Variants in DEAF1 observed in about 807,000 individuals in gnomAD.
DEAF1 encodes the protein DEAF1 transcription factor, also known as deformed epidermal autoregulatory factor 1 homolog.
In DEAF1, 53 loss-of-function variants were observed where a neutral mutation model predicts 58.9. That is an observed-to-expected ratio of 0.90 (90% CI 0.72 to 1.13). The LOEUF is 1.13. Ranked by LOEUF, DEAF1 falls within the 50% of genes most tolerant of loss-of-function variation. The pLI is 0.00. For missense variants in DEAF1, 685 were observed against 791.4 expected (o/e 0.87, Z 1.61); for synonymous variants, 385 against 340.4 (o/e 1.13, Z -1.44).
At chr11:654,230 G>GTCCAC (rs1858940213) in intron 10 of DEAF1, among the ~76,000 whole-genome samples, 179 bp from the exon 11 acceptor site, 9 of 145,652 alleles carry the variant, frequency 6.2e-5, no homozygotes, top group African/African-American at 2.3e-4. Flanking sequence ...GTGCCGTGGT[G>GTCCAC]CGATCTCAGC....
intron 10 of DEAF1, among the ~76,000 whole-genome samples, chr11:669,421 G>A (rs971439811): frequency 6.6e-6 from 1 of 152,150 alleles, no homozygotes; most frequent in Non-Finnish European, 1.5e-5. Flanking sequence ...CAGATCACCT[G>A]AGGTCAGGAG....
upstream of DEAF1, chr11:698,857 T>C (rs1370191743): frequency 6.2e-7 from 1 of 1,614,108 alleles, no homozygotes; most frequent in East Asian, 2.2e-5. Context: ...TCACGGCCCC[T>C]TTCTCTTTCA....
rs1216366693 is a variant in DEAF1 at position 674,590 on chromosome 11, G to A, written c.1449C>T (p.Tyr483=). The stretch of plus-strand genomic sequence containing the variant: ...TGGCCTGGTTTGTGGCAGCTTCTCG[G>A]TAGGTGCTGGCATGCTTGGCTTGCT... ...LFEQAKHAST[Y]REAATNQAKI... Residue 483 remains tyrosine (Y), a synonymous_variant, in exon 10 of 12, where the codon TAC becomes TAT. Coordinates refer to ENST00000382409, the MANE Select transcript of DEAF1 (RefSeq NM_021008.4). 6.2e-7 allele frequency: 1 copy of A among 1,614,026 alleles called. No homozygotes were observed. Among genetic ancestry groups the A allele is most frequent in the Non-Finnish European group, 8.5e-7 (1 of 1,180,054 alleles).
upstream of DEAF1, chr11:695,940 A>C: frequency 1.0e-6 from 1 of 991,904 alleles, no homozygotes; most frequent in Non-Finnish European, 1.3e-6. Flanking sequence ...CGGTGCGCTC[A>C]CGGGGCCGTG....
At position 645,351 on chromosome 11, in the gene DEAF1, CTT is replaced by C. The variant is rs560763840; in HGVS notation, c.1594-699_1594-698del. ...GTTGTTTTTCGGACAGAGTTTCGCTCTTGTTTCCCAGGCTGGAGTGTAACGCG... is the reference window on the plus strand; with the variant it reads ...GTTGTTTTTCGGACAGAGTTTCGCTCGTTTCCCAGGCTGGAGTGTAACGCG... On this transcript the variant is annotated intron_variant, in intron 11 of 11. Transcript: ENST00000382409. Among the ~76,000 whole-genome samples the C allele has an allele frequency of 2.4e-3, 365 of 152,016 alleles. 3 individuals are homozygous for C. The highest frequency in any genetic ancestry group is 7.1e-3 in the African/African-American group (294 of 41,458).
intron 11 of DEAF1, among the ~76,000 whole-genome samples, chr11:651,765 G>A (rs1025975821): frequency 1.4e-4 from 22 of 152,062 alleles, no homozygotes; most frequent in African/African-American, 4.6e-4. Flanking sequence ...GGGTGCCTGT[G>A]GTCCCAGCTA....
At chr11:654,269 A>C (rs1037099425) in intron 10 of DEAF1, among the ~76,000 whole-genome samples, 2 of 148,272 alleles carry the variant, frequency 1.3e-5, no homozygotes, top group Non-Finnish European at 2.9e-5. Context: ...CCTGGGTTCA[A>C]GCAATTCTCC....
chr11:671,847 AAAG>A (rs536826409), intron 10 of DEAF1, among the ~76,000 whole-genome samples: 39,668 of 123,774 alleles, frequency 0.32, 7,028 homozygotes, highest in East Asian at 0.46. Flanking sequence ...AAAAAAAAAA[AAAG>A]AAACACAAAA....
chr11:686,179 C>T (rs1005887504), intron 5 of DEAF1, among the ~76,000 whole-genome samples: 2 of 149,734 alleles, frequency 1.3e-5, no homozygotes, highest in Non-Finnish European at 3.0e-5. Context: ...GTAATCCCAG[C>T]TACTCAGGAG....
At chr11:684,349 C>T (rs529022494) in intron 6 of DEAF1, among the ~76,000 whole-genome samples, 12 of 151,558 alleles carry the variant, frequency 7.9e-5, no homozygotes, top group South Asian at 2.1e-4. Context: ...ATCCAGGAGG[C>T]GGAGGTTGCA....
At chr11:666,028 A>G (rs1859507965) in intron 10 of DEAF1, 2 of 151,782 alleles carry the variant, frequency 1.3e-5, no homozygotes, top group Non-Finnish European at 2.9e-5. Context: ...CTGAGCAGAG[A>G]CTGCGGCTGC....
rs554164645 is a variant in DEAF1 at position 654,153 on chromosome 11, C to G, written c.1504-102G>C. 199 of 762,584 alleles carry G rather than the reference C, an allele frequency of 2.6e-4. 1 individual carries two copies. The African/African-American group carries it at 3.1e-3, about 12-fold the overall frequency. The allele number at this position is 762,584 out of a possible 1,614,324, so 47.2% of individuals were successfully genotyped here. ...GCAGGCAGGAGGCCCCAAGTTCCCCCCATTGGACCCCCTTTTTTTTTTTTT... is the reference window on the plus strand; with the variant it reads ...GCAGGCAGGAGGCCCCAAGTTCCCCGCATTGGACCCCCTTTTTTTTTTTTT... On this transcript the variant is annotated intron_variant, in intron 10 of 11. Coordinates refer to ENST00000382409, the MANE Select transcript of DEAF1 (RefSeq NM_021008.4).
intron 10 of DEAF1, among the ~76,000 whole-genome samples, chr11:666,764 A>G (rs1012768427): frequency 8.0e-5 from 12 of 149,440 alleles, no homozygotes; most frequent in Non-Finnish European, 1.5e-4. Flanking sequence ...TTGTAGTCCC[A>G]TCTACTTGGA....
intron 10 of DEAF1, among the ~76,000 whole-genome samples, chr11:669,444 C>T (rs762143069): frequency 1.1e-4 from 17 of 152,074 alleles, no homozygotes; most frequent in Non-Finnish European, 2.4e-4. Flanking sequence ...CAAGACCAGC[C>T]TGACCTAAAT....
At position 688,741 on chromosome 11, in the gene DEAF1, C is replaced by T. The variant is rs375905081; in HGVS notation, c.388-281G>A. The stretch of plus-strand genomic sequence containing the variant: ...AAAGGTGCTCCACAAACAAGAAACA[C>T]CCTCCCTTCCACCTGAGCCGCTCCC... On this transcript the variant is annotated intron_variant, in intron 2 of 11. Coordinates refer to ENST00000382409, the MANE Select transcript of DEAF1 (RefSeq NM_021008.4). This position sits in a 1 kb window ranked among gnomAD's most constrained non-coding sequence, Gnocchi z 4.3. Among the ~76,000 whole-genome samples, 36 of 152,262 alleles carry T rather than the reference C, an allele frequency of 2.4e-4. No individual in the cohort carries two copies. The highest frequency in any genetic ancestry group is 8.7e-4 in the African/African-American group (36 of 41,552).
At chr11:647,981 G>A (rs1373527811) in intron 11 of DEAF1, among the ~76,000 whole-genome samples, 2 of 3,812 alleles carry the variant, frequency 5.2e-4, no homozygotes, top group Non-Finnish European at 5.2e-4. Context: ...TGACCCAGGC[G>A]GTGCTGGGAG....
chr11:657,285 G>C (rs1057417661), intron 10 of DEAF1, among the ~76,000 whole-genome samples: 3 of 152,186 alleles, frequency 2.0e-5, no homozygotes, highest in African/African-American at 4.8e-5. Context: ...TGCAAGAGGA[G>C]GCTGGAGCAC....
intron 4 of DEAF1, among the ~76,000 whole-genome samples, chr11:687,610 C>A (rs1860650926): frequency 6.6e-6 from 1 of 152,224 alleles, no homozygotes; most frequent in Non-Finnish European, 1.5e-5. Context: ...CTGCCTCAGC[C>A]TCCCGAGTAG....
Position 700,976 on chromosome 11 carries a change from G to A in DEAF1, c.-438+5596C>T, listed in dbSNP as rs2133466687. ...GTAGAAGCCACTGGGTAATGGCACT[G>A]AGATCAGAAAAGCCCAGCCCACCAC... On this transcript the variant is annotated intron_variant, in intron 1 of 11. Coordinates refer to the DEAF1 transcript ENST00000683307. 5 of 432,596 alleles carry A rather than the reference G, an allele frequency of 1.2e-5. 1 individual carries two copies. Among genetic ancestry groups the A allele is most frequent in the Middle Eastern group, 5.9e-4 (1 of 1,696 alleles). 26.8% of individuals were successfully genotyped at this position (432,596 alleles called of 1,614,324 possible).
Sources: allele counts gnomAD v4.1 joint callset (sites outside exome capture counted in the v4.1 genomes callset), GRCh38; gene constraint gnomAD v4.1.1; non-coding constraint Gnocchi (gnomAD v3.1); transcripts MANE v1.5; gene names NCBI Gene and HGNC (gene_info 2026-07-23, HGNC 2026-07-21).